PANK1: variants seen among roughly 807,000 people sequenced by gnomAD.
The protein encoded by PANK1 is pantothenic acid kinase 1.
A neutral mutation model predicts 40.1 loss-of-function variants in PANK1; 18 were observed. The ratio of observed to expected loss-of-function variants is 0.45; its 90% CI spans 0.31 to 0.67. PANK1 has a LOEUF of 0.67. Among genes scored for constraint, PANK1 ranks in the 30% least tolerant of loss-of-function variants. The pLI, the probability that PANK1 is intolerant of heterozygous loss-of-function variation, is 0.06. For synonymous variants in PANK1, 242 were observed against 237.7 expected, an observed-to-expected ratio of 1.02 and a Z score of -0.17; for missense variants, 457 against 599.6, an observed-to-expected ratio of 0.76 and a Z score of 2.48.
chr10:89,613,225 C>T (rs1314168760), intron 1 of PANK1, among the ~76,000 whole-genome samples: 7 of 152,278 alleles, frequency 4.6e-5, no homozygotes, highest in Admixed American at 3.3e-4. Context: ...TTATTTCCCT[C>T]ACAGAATCCA....
chr10:89,589,880 T>C (rs576354680), intron 5 of PANK1, among the ~76,000 whole-genome samples: 1 of 151,832 alleles, frequency 6.6e-6, no homozygotes, highest in South Asian at 2.1e-4. Flanking sequence ...AGTTTTGCCC[T>C]TTCTCCCAAA....
At chr10:89,639,587 G>T (rs966991920) in intron 1 of PANK1, among the ~76,000 whole-genome samples, 1 of 152,152 alleles carries the variant, frequency 6.6e-6, no homozygotes, top group Non-Finnish European at 1.5e-5. Flanking sequence ...CTCACCTAAG[G>T]CTTCATTGCT....
At chr10:89,597,305 C>T (rs1844639885) in intron 3 of PANK1, among the ~76,000 whole-genome samples, 1 of 152,144 alleles carries the variant, frequency 6.6e-6, no homozygotes, top group South Asian at 2.1e-4. Context: ...AAACCTTTGG[C>T]AAAACAACTC....
intron 3 of PANK1, among the ~76,000 whole-genome samples, chr10:89,596,350 C>A (rs552487120): frequency 6.6e-6 from 1 of 152,192 alleles, no homozygotes; most frequent in African/African-American, 2.4e-5. Flanking sequence ...ACTGAAGACA[C>A]TGGCTAACTT....
chr10:89,641,707 C>T (rs548709150), intron 1 of PANK1, among the ~76,000 whole-genome samples: 28 of 150,906 alleles, frequency 1.9e-4, no homozygotes, highest in Admixed American at 4.6e-4. Flanking sequence ...ACTCCAGCCT[C>T]GGCGACAGAG....
At chr10:89,621,953 A>T (rs773827411) in intron 1 of PANK1, among the ~76,000 whole-genome samples, 9 of 152,210 alleles carry the variant, frequency 5.9e-5, no homozygotes, top group Non-Finnish European at 8.8e-5. Context: ...ACCTCAAGTG[A>T]TCCACCTGCC....
chr10:89,630,267 C>T (rs977645369), intron 1 of PANK1, among the ~76,000 whole-genome samples: 3 of 152,108 alleles, frequency 2.0e-5, no homozygotes, highest in African/African-American at 7.2e-5. Context: ...AAGTTTATTC[C>T]AACGACTGTG....
intron 2 of PANK1, among the ~76,000 whole-genome samples, chr10:89,610,335 T>G (rs1430459870): frequency 6.6e-6 from 1 of 152,142 alleles, no homozygotes; most frequent in Admixed American, 6.5e-5. Context: ...CTCAAGCCCA[T>G]GGATCTCAAA....
At chr10:89,589,185 T>C (rs1844294031) in intron 5 of PANK1, among the ~76,000 whole-genome samples, 1 of 152,188 alleles carries the variant, frequency 6.6e-6, no homozygotes, top group Non-Finnish European at 1.5e-5. Flanking sequence ...AAAACGGCTA[T>C]GGTATGGTTT....
intron 1 of PANK1, among the ~76,000 whole-genome samples, chr10:89,630,189 C>T (rs760676805): frequency 1.3e-4 from 20 of 152,082 alleles, no homozygotes; most frequent in Middle Eastern, 3.2e-3. Flanking sequence ...AGATATATAC[C>T]GGCCAAACGT....
chr10:89,644,078 G>T (rs1049188813), intron 1 of PANK1: 24 of 245,396 alleles, frequency 9.8e-5, no homozygotes, highest in African/African-American at 5.2e-4. Flanking sequence ...TGTGATTTTG[G>T]GGGGTAGTTA....
intron 6 of PANK1, among the ~76,000 whole-genome samples, 169 bp downstream of exon 6, chr10:89,588,483 G>C (rs892689154): frequency 6.6e-6 from 1 of 152,132 alleles, no homozygotes; most frequent in East Asian, 1.9e-4. Context: ...TGTTGGATAA[G>C]AACGCTTCCA....
At position 89,644,997 on chromosome 10, in the gene PANK1, C is replaced by T. The variant is rs1218229907; in HGVS notation, c.-106G>A. On this transcript the variant is annotated 5_prime_UTR_variant, in exon 1 of 7. Transcript: ENST00000307534. ...CGGATCCTCCCTGCGGCTTCCGATT[C>T]AGCAGCCGCAGAGCCGGCGCCTGGG... 10 of 1,570,060 alleles carry T rather than the reference C, an allele frequency of 6.4e-6. No homozygotes were observed. The highest frequency in any genetic ancestry group is 1.9e-4 in the Middle Eastern group (1 of 5,366).
chr10:89,591,560 G>C (rs1237360249), intron 5 of PANK1, among the ~76,000 whole-genome samples: 1 of 152,200 alleles, frequency 6.6e-6, no homozygotes. Context: ...CTTGGTGGCT[G>C]CTCTCATGGG....
chr10:89,627,181 T>C (rs1845682423), intron 1 of PANK1, among the ~76,000 whole-genome samples: 1 of 151,522 alleles, frequency 6.6e-6, no homozygotes, highest in African/African-American at 2.4e-5. Flanking sequence ...CACTCCTTCA[T>C]ATCTGTGGTT....
chr10:89,621,776 C>T lies in PANK1; in HGVS notation c.293-9728G>A, dbSNP rs529466278. On this transcript the variant is annotated intron_variant, in intron 1 of 6. Transcript: ENST00000307534. Reference sequence around the variant, plus strand: ...CTGCTCAGGCTAGAGTGCAGTGGCACAATCTCGGCTCACTGCAACCTCAAC... The same window carrying T: ...CTGCTCAGGCTAGAGTGCAGTGGCATAATCTCGGCTCACTGCAACCTCAAC... Among the ~76,000 whole-genome samples the T allele has an allele frequency of 1.7e-4, 26 of 152,330 alleles. No individual in the cohort carries two copies. In the East Asian group the frequency reaches 3.7e-3, roughly 21 times the overall value.
chr10:89,591,918 GGCATCTATT>G (rs1844402466), intron 5 of PANK1, among the ~76,000 whole-genome samples: 1 of 152,190 alleles, frequency 6.6e-6, no homozygotes, highest in African/African-American at 2.4e-5. Context: ...TAGGGGAAAG[GGCATCTATT>G]GCTCTGTGGG....
intron 2 of PANK1, among the ~76,000 whole-genome samples, chr10:89,604,665 G>A (rs1564624216): frequency 7.4e-6 from 1 of 135,518 alleles, no homozygotes; most frequent in Non-Finnish European, 1.5e-5. Context: ...CTGCACTCCA[G>A]CCTGGGCACA....
At position 89,611,758 on chromosome 10, in the gene PANK1, G is replaced by A; in HGVS notation, c.583C>T (p.Leu195Phe). 3.7e-6 allele frequency: 6 copies of A among 1,614,188 alleles called. No individual in the cohort carries two copies. In the South Asian group the frequency reaches 5.5e-5, roughly 15 times the overall value. ...CCTGTGGCACAGAGGGTGGTGTGAA[G>A]GCTAGAGAAGTTCTTCTCGCTGCCC... ...QMGSEKNFSS[L>F]HTTLCATGGG... The change falls in exon 2 of 7, where the codon CTT (leucine) becomes TTT (phenylalanine). Residue 195 changes from leucine (L) to phenylalanine (F), a missense_variant. Physicochemically the swap from Leu to Phe is conservative, Grantham distance 22. Transcript: ENST00000307534.
Sources: allele counts gnomAD v4.1 joint callset (sites outside exome capture counted in the v4.1 genomes callset), GRCh38; gene constraint gnomAD v4.1.1; transcripts MANE v1.5; gene names NCBI Gene and HGNC (gene_info 2026-07-23, HGNC 2026-07-21).